The following PREX2 variants were observed in gnomAD, a reference collection of about 807,000 sequenced individuals.
The protein encoded by PREX2 is phosphatidylinositol-3,4,5-trisphosphate dependent Rac exchange factor 2, also known as phosphatidylinositol 3,4,5-trisphosphate-dependent Rac exchanger 2 protein.
A neutral mutation model predicts 203.2 loss-of-function variants in PREX2; 107 were observed. The observed-to-expected ratio is 0.53, with a 90% CI of 0.45 to 0.62. The LOEUF is 0.62. PREX2 is among the 20% of genes least tolerant of loss of function. The pLI is 0.00. For synonymous variants in PREX2, 672 were observed against 663.6 expected (o/e 1.01, Z -0.19); for missense variants, 1,777 against 1,955.9 (o/e 0.91, Z 1.72).
At chr8:68,103,667 G>C (rs747407543) in intron 23 of PREX2, 2 of 519,264 alleles carry the variant, frequency 3.9e-6, no homozygotes, top group South Asian at 2.8e-5. Flanking sequence ...GCTGTATTTT[G>C]CCAAAGTCTA....
At chr8:68,081,164 A>G (rs567168895) in intron 17 of PREX2, among the ~76,000 whole-genome samples, 4 of 152,018 alleles carry the variant, frequency 2.6e-5, no homozygotes, top group Non-Finnish European at 5.9e-5. Flanking sequence ...TGGTTTTGGG[A>G]TGAAACTGTA....
chr8:68,077,431 T>G lies in PREX2; in HGVS notation c.1604T>G (p.Phe535Cys), dbSNP rs1485015242. The change falls in exon 15 of 40, where the codon TTT becomes TGT. Residue 535 changes from phenylalanine to cysteine, a missense_variant. Physicochemically the swap from Phe to Cys is radical, Grantham distance 205. Transcript: ENST00000288368. ...CGCACCAGAGAAGAGGCAATGATAT[T>G]TGGCGTTGGACTCTGTGACAATGGA... Reference protein sequence around the residue: ...DCRTREEAMIFGVGLCDNGFM... With the variant: ...DCRTREEAMICGVGLCDNGFM... 1 of 1,613,910 alleles carries G rather than the reference T, an allele frequency of 6.2e-7. No individual in the cohort carries two copies. The highest frequency in any genetic ancestry group is 1.1e-5 in the South Asian group (1 of 91,082).
intron 35 of PREX2, among the ~76,000 whole-genome samples, chr8:68,191,307 A>G (rs925370205): frequency 6.6e-6 from 1 of 152,236 alleles, no homozygotes; most frequent in African/African-American, 2.4e-5. Context: ...ACGTTCTTCA[A>G]TAGTCACAAA....
intron 8 of PREX2, among the ~76,000 whole-genome samples, chr8:68,045,215 ACTTT>A (rs1373266698): frequency 6.6e-6 from 1 of 152,028 alleles, no homozygotes; most frequent in East Asian, 1.9e-4. Flanking sequence ...AATAAATTGC[ACTTT>A]CTATTTGAAA....
chr8:68,048,866 C>T (rs1383322295), intron 8 of PREX2, among the ~76,000 whole-genome samples: 2 of 151,898 alleles, frequency 1.3e-5, no homozygotes, highest in East Asian at 3.9e-4. Context: ...TTTATTGTTG[C>T]ATACCAGTCG....
intron 1 of PREX2, among the ~76,000 whole-genome samples, chr8:67,963,452 C>T (rs182956790): frequency 6.6e-6 from 1 of 152,272 alleles, no homozygotes; most frequent in Admixed American, 6.5e-5. Flanking sequence ...AAAATCATCA[C>T]ATTTTGATAC....
chr8:68,220,205 T>A (rs145996257), intron 38 of PREX2: 1 of 152,144 alleles, frequency 6.6e-6, no homozygotes, highest in Admixed American at 6.5e-5. Context: ...CATACAGTTG[T>A]TATTTTAATT....
intron 31 of PREX2, 110 bp downstream of exon 31, chr8:68,127,529 A>G: frequency 1.4e-6 from 1 of 705,972 alleles, no homozygotes; most frequent in Non-Finnish European, 2.5e-6. Context: ...AAATAGAAAT[A>G]TGATCCCTAC....
intron 4 of PREX2, among the ~76,000 whole-genome samples, chr8:68,026,668 C>A (rs1807723362): frequency 9.0e-6 from 1 of 110,994 alleles, no homozygotes; most frequent in Non-Finnish European, 1.6e-5. Context: ...CTGACACTGG[C>A]TTTCCAGTGT....
chr8:68,220,520 G>A (rs536173163), intron 38 of PREX2, among the ~76,000 whole-genome samples: 63 of 152,134 alleles, frequency 4.1e-4, no homozygotes, highest in African/African-American at 1.5e-3. Flanking sequence ...GCATCACACT[G>A]GACACAAAGA....
intron 1 of PREX2, among the ~76,000 whole-genome samples, chr8:67,965,364 G>T: frequency 6.6e-6 from 1 of 152,122 alleles, no homozygotes; most frequent in South Asian, 2.1e-4. Context: ...CTTCCTAACA[G>T]GTTTGAACCC....
chr8:68,156,674 C>T (rs542086335), intron 34 of PREX2, among the ~76,000 whole-genome samples: 3 of 152,194 alleles, frequency 2.0e-5, no homozygotes, highest in Non-Finnish European at 4.4e-5. Flanking sequence ...AAAGAGGTAG[C>T]TTTGAACTTA....
chr8:68,119,745 T>G (rs1810730869), intron 28 of PREX2, among the ~76,000 whole-genome samples: 1 of 152,212 alleles, frequency 6.6e-6, no homozygotes, highest in South Asian at 2.1e-4. Flanking sequence ...AAAATTACTG[T>G]TATACACATA....
intron 1 of PREX2, among the ~76,000 whole-genome samples, chr8:67,963,838 C>T (rs1585657774): frequency 6.6e-6 from 1 of 152,046 alleles, no homozygotes. Context: ...ATCAACATGG[C>T]CTTTTTTGCA....
chr8:68,011,183 T>C (rs1201513721), intron 1 of PREX2, among the ~76,000 whole-genome samples: 1 of 152,178 alleles, frequency 6.6e-6, no homozygotes, highest in Non-Finnish European at 1.5e-5. Context: ...CATGCTCCAA[T>C]TTTCTTAGGT....
chr8:68,101,633 A>T (rs958305777), intron 23 of PREX2, among the ~76,000 whole-genome samples: 2 of 152,212 alleles, frequency 1.3e-5, no homozygotes, highest in African/African-American at 4.8e-5. Flanking sequence ...TGCAAACGAA[A>T]ATGCTAAACA....
chr8:68,209,355 T>G (rs1409001836), intron 37 of PREX2, among the ~76,000 whole-genome samples: 1 of 152,150 alleles, frequency 6.6e-6, no homozygotes, highest in African/African-American at 2.4e-5. Context: ...GACCTGGCTT[T>G]TAATTAAAGA....
At chr8:68,225,852 G>A (rs563297862) in intron 39 of PREX2, among the ~76,000 whole-genome samples, 52 of 152,232 alleles carry the variant, frequency 3.4e-4, no homozygotes, top group Non-Finnish European at 6.2e-4. Flanking sequence ...TGGTATATTT[G>A]GATAATAGAC....
In PREX2 at chr8:68,233,235, G is replaced by GGGA. The variant is rs1813202101; in HGVS notation, c.*1858_*1859insGAG. On this transcript the variant is annotated 3_prime_UTR_variant, in exon 40 of 40. Coordinates refer to ENST00000288368, the MANE Select transcript of PREX2 (RefSeq NM_024870.4). The stretch of plus-strand genomic sequence containing the variant: ...ATTTAACATTTGTAGGACTAATAAA[G>GGGA]GAACACAGCTGATTAGCTAGCAAGT... 4 of 151,614 alleles carry GGGA rather than the reference G, an allele frequency of 2.6e-5. No homozygotes were observed. Among genetic ancestry groups the GGGA allele is most frequent in the Admixed American group, 2.6e-4 (4 of 15,232 alleles). The allele number at this position is 151,614 out of a possible 1,614,324, so 9.4% of individuals were successfully genotyped here. A position where few individuals can be genotyped will look rare whatever the true frequency, so the allele number is the denominator to read the frequency against.
Sources: allele counts gnomAD v4.1 joint callset (sites outside exome capture counted in the v4.1 genomes callset), GRCh38; gene constraint gnomAD v4.1.1; transcripts MANE v1.5; gene names NCBI Gene and HGNC (gene_info 2026-07-23, HGNC 2026-07-21).